The following KPNA7 variants were observed in gnomAD, a reference collection of about 807,000 sequenced individuals.
KPNA7 encodes the protein karyopherin subunit alpha 7, also known as importin subunit alpha-8.
In KPNA7, 54 loss-of-function variants were observed where a neutral mutation model predicts 53.7. The ratio of observed to expected loss-of-function variants is 1.01; its 90% CI spans 0.81 to 1.26. The LOEUF (loss-of-function observed/expected upper bound fraction) is 1.26. Ranked by LOEUF, KPNA7 falls within the 50% of genes most tolerant of loss-of-function variation. KPNA7 has a pLI of 0.00. For synonymous variants in KPNA7, 276 were observed against 259.3 expected (o/e 1.06, Z -0.62); for missense variants, 640 against 644.5 (o/e 0.99, Z 0.07).
At chr7:99,162,037 A>ATTTTT in the KPNA7 span, among the ~76,000 whole-genome samples, 4 of 106,922 alleles carry the variant, frequency 3.7e-5, no homozygotes, top group Non-Finnish European at 5.6e-5. Flanking sequence ...CAAGATTGCA[A>ATTTTT]TTTTTTTTTT....
chr7:99,146,435 C>T, the KPNA7 span, among the ~76,000 whole-genome samples: 11 of 152,090 alleles, frequency 7.2e-5, no homozygotes, highest in African/African-American at 1.9e-4. Flanking sequence ...TTGCGGAGGC[C>T]GGGCATGGTG....
chr7:99,210,076 T>C (rs778572643), upstream of KPNA7, among the ~76,000 whole-genome samples: 35 of 152,208 alleles, frequency 2.3e-4, no homozygotes, highest in Non-Finnish European at 4.1e-4. Flanking sequence ...AAAAAAACTC[T>C]CCTGGCTACC....
At chr7:99,170,639 G>A (rs933989755), downstream of KPNA7, among the ~76,000 whole-genome samples, 1 of 152,176 alleles carries the variant, frequency 6.6e-6, no homozygotes, top group Admixed American at 6.6e-5. Context: ...ACTGTTCCAA[G>A]CTGTTTTTTA....
intron 1 of KPNA7, among the ~76,000 whole-genome samples, chr7:99,217,458 T>G (rs1563095190): frequency 6.6e-6 from 1 of 151,488 alleles, no homozygotes; most frequent in South Asian, 2.1e-4. Flanking sequence ...GAAGGAGGGG[T>G]TCAGGGATCC....
At chr7:99,210,229 T>G (rs34988009), upstream of KPNA7, among the ~76,000 whole-genome samples, 9,279 of 152,236 alleles carry the variant, frequency 0.061, 317 homozygotes, top group South Asian at 0.15. Flanking sequence ...GCCTTTGAAG[T>G]AGCTGCTCTG....
Position 99,203,241 on chromosome 7 carries a change from C to A in KPNA7, c.67-1G>T, listed in dbSNP as rs1790642013. The A allele has an allele frequency of 6.5e-7, 1 of 1,549,732 alleles. No individual in the cohort carries two copies. Among genetic ancestry groups the A allele is most frequent in the Non-Finnish European group, 8.7e-7 (1 of 1,145,470 alleles). The stretch of plus-strand genomic sequence containing the variant: ...CCGCCATCCTCTGCTGTCGCCTCAG[C>A]TAGTGAGGAAAAGAAATTGGAGCAT... On this transcript the variant is annotated splice_acceptor_variant, in intron 2 of 10. Transcript: ENST00000327442. LOFTEE classifies it high-confidence loss of function.
intron 3 of KPNA7, among the ~76,000 whole-genome samples, chr7:99,199,243 A>C (rs1790388715): frequency 6.6e-6 from 1 of 152,132 alleles, no homozygotes; most frequent in African/African-American, 2.4e-5. Flanking sequence ...AGAAATTGAC[A>C]ATCTGATTTT....
chr7:99,146,582 T>A, the KPNA7 span, among the ~76,000 whole-genome samples: 29,675 of 151,450 alleles, frequency 0.2, 3,043 homozygotes, highest in South Asian at 0.33. Context: ...TGTGGTGGTG[T>A]GCACCTGTAG....
rs587777538 is a variant in KPNA7, at chr7:99,185,048, G to A, written c.1015C>T (p.Pro339Ser). ...VLPQLLQHNK[P>S]SIQKEAAWAL... ...CAGGCTGCCTCCTTCTGGATGGAGG[G>A]CTTGTTGTGTTGCAGGAGCTGGGGG... The change falls in exon 8 of 11, where the codon CCC becomes TCC. Residue 339 changes from proline (P) to serine (S), a missense_variant. Transcript: ENST00000327442. 29 of 1,551,878 alleles carry A rather than the reference G, an allele frequency of 1.9e-5. No individual in the cohort carries two copies. The highest frequency in any genetic ancestry group is 7.8e-5 in the Admixed American group (4 of 50,996).
At chr7:99,147,505 A>G in the KPNA7 span, among the ~76,000 whole-genome samples, 2 of 152,212 alleles carry the variant, frequency 1.3e-5, no homozygotes, top group African/African-American at 4.8e-5. Flanking sequence ...AAAAGTTGAT[A>G]AAAGTCCGGG....
intron 3 of KPNA7, among the ~76,000 whole-genome samples, chr7:99,199,675 G>A (rs1790412378): frequency 6.6e-6 from 1 of 152,064 alleles, no homozygotes; most frequent in Admixed American, 6.6e-5. Context: ...TGTGACCTTA[G>A]ATTAGGCAAT....
chr7:99,160,017 G>GTTTTTTTTTTGTTTTTTT, the KPNA7 span, among the ~76,000 whole-genome samples: 1 of 67,662 alleles, frequency 1.5e-5, no homozygotes, highest in Non-Finnish European at 2.8e-5. Context: ...TGTTGTTTTT[G>GTTTTTTTTTTGTTTTTTT]TTTTTTTTTT....
intron 7 of KPNA7, among the ~76,000 whole-genome samples, chr7:99,185,389 C>G (rs1006538658): frequency 1.5e-4 from 23 of 152,068 alleles, no homozygotes; most frequent in Non-Finnish European, 2.6e-4. Context: ...TACTGTTACC[C>G]AGGCTGGAAT....
chr7:99,152,177 C>CTGTT, the KPNA7 span, among the ~76,000 whole-genome samples: 1 of 151,526 alleles, frequency 6.6e-6, no homozygotes, highest in African/African-American at 2.4e-5. Context: ...GAGCGAGATT[C>CTGTT]TGTCTCAGAA....
intron 10 of KPNA7, among the ~76,000 whole-genome samples, chr7:99,175,106 C>T (rs899987313): frequency 6.6e-6 from 1 of 152,116 alleles, no homozygotes; most frequent in African/African-American, 2.4e-5. Flanking sequence ...AGCCACTGCA[C>T]CCAGCTGAGC....
rs1271731982 is a variant in KPNA7 at position 99,187,690 on chromosome 7, A to G, written c.900+610T>C. 8.2e-4 allele frequency among the ~76,000 whole-genome samples: 124 copies of G among 150,934 alleles called. 2 individuals carry two copies. Among genetic ancestry groups the G allele is most frequent in the Non-Finnish European group, 1.9e-4 (13 of 67,822 alleles). ...TGCCTCAGCCTCCCGAGTAGCTGGAATTACAGCTGTGCGCCATCACACTCA... is the reference window on the plus strand; with the variant it reads ...TGCCTCAGCCTCCCGAGTAGCTGGAGTTACAGCTGTGCGCCATCACACTCA... On this transcript the variant is annotated intron_variant, in intron 7 of 10. Transcript: ENST00000327442.
chr7:99,191,675 A>C (rs573859844), intron 6 of KPNA7, among the ~76,000 whole-genome samples: 7 of 151,818 alleles, frequency 4.6e-5, no homozygotes, highest in Non-Finnish European at 7.4e-5. Flanking sequence ...TTTGAGACAG[A>C]GTCTTGCTCT....
the KPNA7 span, among the ~76,000 whole-genome samples, chr7:99,150,572 G>C: frequency 6.6e-6 from 1 of 151,806 alleles, no homozygotes; most frequent in Non-Finnish European, 1.5e-5. Context: ...GCACCACTAC[G>C]CCTGGCTAAT....
intron 2 of KPNA7, among the ~76,000 whole-genome samples, chr7:99,206,145 C>T (rs759875184): frequency 6.6e-6 from 1 of 152,176 alleles, no homozygotes; most frequent in Admixed American, 6.6e-5. Flanking sequence ...TCCAGCTCCT[C>T]GGAGATAAAT....
Sources: allele counts gnomAD v4.1 joint callset (sites outside exome capture counted in the v4.1 genomes callset), GRCh38; gene constraint gnomAD v4.1.1; transcripts MANE v1.5; gene names NCBI Gene and HGNC (gene_info 2026-07-23, HGNC 2026-07-21).